Variants in HIVEP2 observed in about 807,000 individuals in gnomAD.
The protein encoded by HIVEP2 is HIVEP zinc finger 2.
HIVEP2 carries 14 observed loss-of-function variants against 180.7 expected under a neutral mutation model. The ratio of observed to expected loss-of-function variants is 0.08; its 90% CI spans 0.05 to 0.12. HIVEP2 has a LOEUF of 0.12. HIVEP2 is among the 10% of genes least tolerant of loss of function. The pLI is 1.00. For synonymous variants in HIVEP2, 1,184 were observed against 1,136.4 expected (o/e 1.04, Z -0.84); for missense variants, 2,579 against 3,008.5 (o/e 0.86, Z 3.34).
intron 1 of HIVEP2, among the ~76,000 whole-genome samples, chr6:142,865,319 A>C (rs1776111173): frequency 6.6e-6 from 1 of 152,164 alleles, no homozygotes. Flanking sequence ...TAATGCTGTC[A>C]GGAGCATTTT....
intron 1 of HIVEP2, chr6:142,944,883 C>G (rs1196794114): frequency 1.3e-5 from 2 of 152,376 alleles, no homozygotes; most frequent in Admixed American, 1.3e-4. Flanking sequence ...GGCGCCTCCG[C>G]CTGAACCTTC....
At chr6:142,853,101 T>C (rs561697946) in intron 1 of HIVEP2, among the ~76,000 whole-genome samples, 41 of 152,346 alleles carry the variant, frequency 2.7e-4, no homozygotes, top group Middle Eastern at 6.8e-3. Context: ...ATCCATAGAT[T>C]AAGGTATTTT....
chr6:142,795,033 G>A (rs1582866692), intron 2 of HIVEP2, among the ~76,000 whole-genome samples: 1 of 151,348 alleles, frequency 6.6e-6, no homozygotes, highest in Non-Finnish European at 1.5e-5. Flanking sequence ...ACTAAAGAGT[G>A]TGTGTTTGGA....
chr6:142,912,892 T>C (rs932541677), intron 1 of HIVEP2, among the ~76,000 whole-genome samples: 1 of 152,236 alleles, frequency 6.6e-6, no homozygotes, highest in African/African-American at 2.4e-5. Context: ...TCCTACGAGG[T>C]AGATGCTTAG....
At chr6:142,867,944 G>C (rs1248826940) in intron 1 of HIVEP2, among the ~76,000 whole-genome samples, 6 of 152,132 alleles carry the variant, frequency 3.9e-5, no homozygotes, top group African/African-American at 1.4e-4. Context: ...ATTTCCAACA[G>C]TCTCACGGTC....
chr6:142,762,763 T>A (rs1353022089), intron 7 of HIVEP2, among the ~76,000 whole-genome samples: 1 of 152,208 alleles, frequency 6.6e-6, no homozygotes, highest in Non-Finnish European at 1.5e-5. Context: ...ACTGGGACAC[T>A]GTTGTTTATT....
chr6:142,880,309 A>G (rs74649269), intron 1 of HIVEP2, among the ~76,000 whole-genome samples: 1,585 of 152,018 alleles, frequency 0.01, 44 homozygotes, highest in East Asian at 0.061. Flanking sequence ...ACAACCCCAT[A>G]ACTTGCACCC....
At chr6:142,928,779 A>C (rs1777873543) in intron 1 of HIVEP2, among the ~76,000 whole-genome samples, 1 of 152,180 alleles carries the variant, frequency 6.6e-6, no homozygotes. Flanking sequence ...CTAGTCTTTC[A>C]ATCTTGCTGA....
chr6:142,852,756 C>A (rs1775718333), intron 1 of HIVEP2, among the ~76,000 whole-genome samples: 1 of 152,118 alleles, frequency 6.6e-6, no homozygotes, highest in Non-Finnish European at 1.5e-5. Context: ...AACACTCAAT[C>A]TAATGAATCA....
At chr6:142,849,988 C>G (rs1775609624) in intron 1 of HIVEP2, among the ~76,000 whole-genome samples, 1 of 152,152 alleles carries the variant, frequency 6.6e-6, no homozygotes, top group Admixed American at 6.5e-5. Flanking sequence ...AAATGATAAA[C>G]AGAGTCAGAC....
intron 1 of HIVEP2, among the ~76,000 whole-genome samples, chr6:142,871,189 T>C (rs1007860640): frequency 3.9e-5 from 6 of 152,206 alleles, no homozygotes; most frequent in African/African-American, 7.2e-5. Context: ...TCAATGAATA[T>C]GTGAAAATAA....
At chr6:142,822,941 C>G (rs181613275) in intron 2 of HIVEP2, among the ~76,000 whole-genome samples, 2 of 152,348 alleles carry the variant, frequency 1.3e-5, no homozygotes, top group South Asian at 2.1e-4. Flanking sequence ...TTAACCACAG[C>G]TCCTGTTCCA....
chr6:142,799,410 T>C (rs1044815326), intron 2 of HIVEP2, among the ~76,000 whole-genome samples: 5 of 152,080 alleles, frequency 3.3e-5, no homozygotes, highest in Admixed American at 3.3e-4. Flanking sequence ...CAGATAGGAA[T>C]ATGAATCTTG....
At chr6:142,932,631 C>A (rs1309612313) in intron 1 of HIVEP2, among the ~76,000 whole-genome samples, 4 of 152,176 alleles carry the variant, frequency 2.6e-5, no homozygotes, top group African/African-American at 9.6e-5. Flanking sequence ...AGATTGCTAT[C>A]TTTAAATAAT....
intron 3 of HIVEP2, among the ~76,000 whole-genome samples, chr6:142,779,744 T>C (rs753610624): frequency 1.3e-5 from 2 of 152,236 alleles, no homozygotes; most frequent in African/African-American, 2.4e-5. Context: ...ATGTTTTCAC[T>C]TAGCAATGAG....
At chr6:142,813,160 T>C (rs186626150) in intron 2 of HIVEP2, among the ~76,000 whole-genome samples, 91 of 152,320 alleles carry the variant, frequency 6.0e-4, no homozygotes, top group African/African-American at 2.1e-3. Flanking sequence ...ACACTGTTTA[T>C]AAGATCTGTC....
At chr6:142,756,279 G>C (rs1775066618) in intron 9 of HIVEP2, among the ~76,000 whole-genome samples, 1 of 152,156 alleles carries the variant, frequency 6.6e-6, no homozygotes, top group Admixed American at 6.5e-5. Context: ...GGGCAGCAGG[G>C]AGCAGAGAAG....
At chr6:142,921,507 C>T (rs1027809127) in intron 1 of HIVEP2, among the ~76,000 whole-genome samples, 3 of 151,896 alleles carry the variant, frequency 2.0e-5, no homozygotes, top group Admixed American at 2.0e-4. Context: ...TGCACTCCAG[C>T]CTTGGTCATA....
At chr6:142,761,439 G>A in intron 8 of HIVEP2, 25 bp downstream of exon 8, 1 of 1,195,426 alleles carries the variant, frequency 8.4e-7, no homozygotes, top group Non-Finnish European at 1.3e-6. Flanking sequence ...GAAGAGGTCT[G>A]TCAACTCATT....
Sources: gnomAD v4.1 joint callset for allele counts (sites outside exome capture counted in the v4.1 genomes callset) on GRCh38, gnomAD v4.1.1 for gene constraint, MANE v1.5 for transcripts, NCBI Gene and HGNC (gene_info 2026-07-23, HGNC 2026-07-21) for gene names.